STAR: variants seen among roughly 807,000 people sequenced by gnomAD.
The protein encoded by STAR is steroidogenic acute regulatory protein.
STAR carries 32 observed loss-of-function variants against 32.3 expected under a neutral mutation model. The observed-to-expected ratio is 0.99, with a 90% CI of 0.75 to 1.33. STAR has a LOEUF of 1.33. Ranked by LOEUF, STAR falls within the 40% of genes most tolerant of loss-of-function variation. The probability of loss-of-function intolerance (pLI) is 0.00; values close to 1 mark genes in which losing one functional copy is unlikely to be tolerated. For synonymous variants in STAR, 134 were observed against 140.5 expected (o/e 0.95, Z 0.33); for missense variants, 375 against 379.0 (o/e 0.99, Z 0.09).
At chr8:38,145,009 GAAAAAAA>G (rs140343934) in intron 6 of STAR, 116 of 1,151,118 alleles carry the variant, frequency 1.0e-4, no homozygotes, top group Middle Eastern at 3.6e-4. Flanking sequence ...ACTGAGTCTC[GAAAAAAA>G]AAAAAAAAAA....
chr8:38,148,190 C>A lies in STAR; in HGVS notation c.306+10G>T. 1.2e-6 allele frequency: 2 copies of A among 1,613,784 alleles called. No individual in the cohort carries two copies. The highest frequency in any genetic ancestry group is 2.2e-5 in the South Asian group (2 of 91,008). ...CATGGAGGAACCACAGGCTTCTCCCCGACACTTACCTGCTGACTCTCCTTC... is the reference window on the plus strand; with the variant it reads ...CATGGAGGAACCACAGGCTTCTCCCAGACACTTACCTGCTGACTCTCCTTC... On this transcript the variant is annotated intron_variant, in intron 3 of 6. Transcript: ENST00000276449.
chr8:38,148,410 T>G lies in STAR; in HGVS notation c.179-83A>C, dbSNP rs35509267. 93 of 1,591,914 alleles carry G rather than the reference T, an allele frequency of 5.8e-5. No homozygotes were observed. The African/African-American group carries it at 1.1e-3, about 18-fold the overall frequency. ...CTCATCCCTGGAGCTCTGGGTCTGC[T>G]CATTGCTCTGAAGAGCCCGGACTAA... On this transcript the variant is annotated intron_variant, in intron 2 of 6. Coordinates refer to ENST00000276449, the MANE Select transcript of STAR (RefSeq NM_000349.3).
intron 3 of STAR, among the ~76,000 whole-genome samples, chr8:38,146,720 A>C (rs1802580177): frequency 6.6e-6 from 1 of 151,820 alleles, no homozygotes; most frequent in African/African-American, 2.4e-5. Context: ...GGTTGCAGTG[A>C]GTGGAGATTG....
At position 38,147,580 on chromosome 8, in the gene STAR, C is replaced by T. The variant is rs561036026; in HGVS notation, c.306+620G>A. Among the ~76,000 whole-genome samples the T allele has an allele frequency of 1.7e-4, 26 of 152,350 alleles. No individual in the cohort carries two copies. In the South Asian group the frequency reaches 3.5e-3, roughly 21 times the overall value. On this transcript the variant is annotated intron_variant, in intron 3 of 6. Transcript: ENST00000276449. Reference sequence around the variant, plus strand: ...GGCTCCCAAACTAGTAGTCTGTTAACTCCATTACTCTGAGAACTTAGGGAA... The same window carrying T: ...GGCTCCCAAACTAGTAGTCTGTTAATTCCATTACTCTGAGAACTTAGGGAA...
At chr8:38,146,213 A>AG (rs1411599797) in intron 4 of STAR, 66 bp from the exon 5 acceptor site, 7 of 1,612,982 alleles carry the variant, frequency 4.3e-6, no homozygotes, top group Non-Finnish European at 5.9e-6. Flanking sequence ...CCCCACAGCT[A>AG]GGGGTCCTCT....
intron 1 of STAR, chr8:38,148,978 G>T (rs1802624710): frequency 1.8e-6 from 1 of 554,000 alleles, no homozygotes; most frequent in Non-Finnish European, 3.3e-6. Context: ...GGGTGGTCAG[G>T]CCTGGCCCTG....
At chr8:38,147,959 A>C (rs898692415) in intron 3 of STAR, among the ~76,000 whole-genome samples, 1 of 152,202 alleles carries the variant, frequency 6.6e-6, no homozygotes, top group African/African-American at 2.4e-5. Context: ...ATGCAATCCT[A>C]TTCTGTAACT....
At chr8:38,147,553 T>C (rs1290223905) in intron 3 of STAR, among the ~76,000 whole-genome samples, 1 of 152,230 alleles carries the variant, frequency 6.6e-6, no homozygotes, top group Non-Finnish European at 1.5e-5. Flanking sequence ...TAAGTCCCAG[T>C]TGGCTCCCAA....
chr8:38,145,066 G>A (rs777048314), intron 6 of STAR, 156 bp downstream of exon 6: 22 of 1,496,418 alleles, frequency 1.5e-5, no homozygotes, highest in Non-Finnish European at 2.0e-5. Flanking sequence ...AGATGGTAGA[G>A]TAGCAGTTAG....
intron 1 of STAR, chr8:38,149,136 G>A (rs911875580): frequency 1.7e-5 from 5 of 290,216 alleles, no homozygotes; most frequent in African/African-American, 4.3e-5. Context: ...GTGTCTGCAC[G>A]AGTCTGTGCT....
In STAR at chr8:38,148,764, G is replaced by A; in HGVS notation, c.65-10C>T. ...GCCTGTTGCCTCAGCCCTGCAGAAG[G>A]GAATAACCCTTGTCTAGGAGCTGGA... On this transcript the variant is annotated splice_polypyrimidine_tract_variant and intron_variant, in intron 1 of 6. Transcript: ENST00000276449. 6.2e-7 allele frequency: 1 copy of A among 1,610,866 alleles called. No individual in the cohort carries two copies. Among genetic ancestry groups the A allele is most frequent in the Non-Finnish European group, 8.5e-7 (1 of 1,178,370 alleles).
In STAR at chr8:38,142,876, C is replaced by T. The variant is rs191752921; in HGVS notation, c.*1397G>A. Among the ~76,000 whole-genome samples, 47 of 152,280 alleles carry T rather than the reference C, an allele frequency of 3.1e-4. No individual in the cohort carries two copies. Among genetic ancestry groups the T allele is most frequent in the Admixed American group, 1.8e-3 (27 of 15,292 alleles). ...TTCACCATATTACCCCTTCTTCCAG[C>T]CACTTCTCCCAGAATACTAAACTTT... On this transcript the variant is annotated 3_prime_UTR_variant, in exon 7 of 7. Transcript: ENST00000276449.
chr8:38,149,995 C>T (rs1294342171), intron 1 of STAR, among the ~76,000 whole-genome samples: 1 of 152,000 alleles, frequency 6.6e-6, no homozygotes, highest in Admixed American at 6.6e-5. Context: ...GTGGCATGCA[C>T]CTGTAATCCC....
In STAR at chr8:38,148,623, AG is replaced by A. The variant is rs1416658740; in HGVS notation, c.178+17del. 6.2e-7 allele frequency: 1 copy of A among 1,611,820 alleles called. No homozygotes were observed. ...CTCCTGCCAGCAGCACCAGGAGCCC[AG>A]AAGCCTCAGCACTTACCGAGTAGAG... is the stretch of plus-strand genomic sequence containing the variant. On this transcript the variant is annotated intron_variant, in intron 2 of 6. Transcript: ENST00000276449.
chr8:38,148,659 G>C lies in STAR; in HGVS notation c.160C>G (p.Arg54Gly). The change falls in exon 2 of 7, where the codon CGG becomes GGG. Residue 54 changes from arginine to glycine, a missense_variant. By Grantham distance (125) the Arg-to-Gly change is moderately radical. Transcript: ENST00000276449. ...CACTTACCGAGTAGAGAGCTCCGCC[G>C]CCGAACCTGGTTAATCCACGTGCTA... ...TPSTWINQVRRRSSLLGSRLE... is the reference protein window; with the variant it reads ...TPSTWINQVRGRSSLLGSRLE... The C allele has an allele frequency of 2.5e-6, 4 of 1,614,058 alleles. No homozygotes were observed. Among genetic ancestry groups the C allele is most frequent in the Non-Finnish European group, 3.4e-6 (4 of 1,180,016 alleles).
At chr8:38,144,470 A>G (rs1277077525) in intron 6 of STAR, 84 bp from the exon 7 acceptor site, 8 of 1,539,648 alleles carry the variant, frequency 5.2e-6, no homozygotes, top group Non-Finnish European at 7.0e-6. Flanking sequence ...ACAGGCTGCC[A>G]GGGGCTTGGT....
In STAR at chr8:38,144,539, G is replaced by A. The variant is rs923624219; in HGVS notation, c.745-153C>T. The A allele has an allele frequency of 6.0e-6, 9 of 1,492,830 alleles. No homozygotes were observed. The Admixed American group carries it at 8.1e-5, about 14-fold the overall frequency. 92.5% of individuals were successfully genotyped at this position (1,492,830 alleles called of 1,614,324 possible). ...TTGCCCAGTCAAGGGCGGGAGGACT[G>A]CATTGCTCCTCTGCTGTCATGACTT... On this transcript the variant is annotated intron_variant, in intron 6 of 6. Coordinates refer to ENST00000276449, the MANE Select transcript of STAR (RefSeq NM_000349.3).
In STAR at chr8:38,144,302, A is replaced by G. The variant is rs200858323; in HGVS notation, c.829T>C (p.Ser277Pro). 9.3e-6 allele frequency: 15 copies of G among 1,609,794 alleles called. No individual in the cohort carries two copies. The Middle Eastern group carries it at 6.6e-4, about 71-fold the overall frequency. ...FANHLRKRLE[S>P]HPASEARC is the part of the protein sequence containing the mutation. Reference sequence around the variant, plus strand: ...CACCTGGCTTCAGAGGCAGGGTGGGACTCCAGGCGCTTGCGCAGGTGGTTG... The same window carrying G: ...CACCTGGCTTCAGAGGCAGGGTGGGGCTCCAGGCGCTTGCGCAGGTGGTTG... The change falls in exon 7 of 7, where the codon TCC (serine) becomes CCC (proline). Residue 277 changes from serine (S) to proline (P), a missense_variant. By Grantham distance (74) the Ser-to-Pro change is moderately conservative. Coordinates refer to ENST00000276449, the MANE Select transcript of STAR (RefSeq NM_000349.3).
chr8:38,148,808 C>T (rs1015934636), intron 1 of STAR, 54 bp from the exon 2 acceptor site: 3 of 1,300,696 alleles, frequency 2.3e-6, no homozygotes, highest in Admixed American at 2.3e-5. Flanking sequence ...TAGAGATGGA[C>T]CACTCCCACC....
Sources: allele counts gnomAD v4.1 joint callset (sites outside exome capture counted in the v4.1 genomes callset), GRCh38; gene constraint gnomAD v4.1.1; transcripts MANE v1.5; gene names NCBI Gene and HGNC (gene_info 2026-07-23, HGNC 2026-07-21).